The following FOXO3 variants were observed in gnomAD, a reference collection of about 807,000 sequenced individuals.
The protein encoded by FOXO3 is forkhead box protein O3.
FOXO3 carries 4 observed loss-of-function variants against 41.9 expected under a neutral mutation model. The ratio of observed to expected loss-of-function variants is 0.10; its 90% CI spans 0.05 to 0.22. FOXO3 has a LOEUF of 0.22. Ranked by LOEUF, FOXO3 falls within the 10% of genes least tolerant of loss-of-function variation. The pLI is 1.00. For synonymous variants in FOXO3, 318 were observed against 389.3 expected, an observed-to-expected ratio of 0.82 and a Z score of 2.16; for missense variants, 534 against 906.8, an observed-to-expected ratio of 0.59 and a Z score of 5.28.
chr6:108,622,860 G>A (rs779414408), intron 1 of FOXO3, among the ~76,000 whole-genome samples: 1 of 151,604 alleles, frequency 6.6e-6, no homozygotes, highest in African/African-American at 2.4e-5. Flanking sequence ...CCTCCCGTGT[G>A]CTGTGGCTCT....
intron 1 of FOXO3, among the ~76,000 whole-genome samples, chr6:108,651,124 C>G (rs1778538631): frequency 6.6e-6 from 1 of 152,192 alleles, no homozygotes; most frequent in Admixed American, 6.5e-5. Flanking sequence ...ACTATTAGCC[C>G]AAGTCATTTT....
chr6:108,563,941 G>GT (rs1775883647), intron 1 of FOXO3, among the ~76,000 whole-genome samples: 1 of 150,354 alleles, frequency 6.7e-6, no homozygotes, highest in Non-Finnish European at 1.5e-5. Context: ...TTATGTCATC[G>GT]TTTTTTTGTC....
At chr6:108,565,294 GAGA>G (rs1775922309) in intron 1 of FOXO3, among the ~76,000 whole-genome samples, 1 of 152,202 alleles carries the variant, frequency 6.6e-6, no homozygotes, top group African/African-American at 2.4e-5. Flanking sequence ...CTGTGTCAGG[GAGA>G]AGGATGATGA....
chr6:108,620,467 A>G (rs1754883294), intron 1 of FOXO3, among the ~76,000 whole-genome samples: 1 of 152,090 alleles, frequency 6.6e-6, no homozygotes, highest in Admixed American at 6.5e-5. Flanking sequence ...CTTTTTGCAG[A>G]TAGGACCCCT....
At chr6:108,608,069 G>A (rs995091370) in intron 1 of FOXO3, among the ~76,000 whole-genome samples, 4 of 152,136 alleles carry the variant, frequency 2.6e-5, no homozygotes, top group African/African-American at 9.7e-5. Flanking sequence ...TCATATAATG[G>A]TAGAGTTGAA....
chr6:108,625,409 G>A (rs1410193671), intron 1 of FOXO3, among the ~76,000 whole-genome samples: 2 of 152,262 alleles, frequency 1.3e-5, no homozygotes, highest in East Asian at 3.9e-4. Context: ...CATTGTTTAA[G>A]ATTGAAAACT....
chr6:108,668,946 C>A (rs540555850), intron 2 of FOXO3, among the ~76,000 whole-genome samples: 83 of 152,094 alleles, frequency 5.5e-4, no homozygotes, highest in African/African-American at 2.0e-3. Flanking sequence ...CCCGTCTCTA[C>A]TAAAAATACA....
intron 1 of FOXO3, among the ~76,000 whole-genome samples, chr6:108,589,210 T>C (rs1776666418): frequency 6.6e-6 from 1 of 152,104 alleles, no homozygotes; most frequent in African/African-American, 2.4e-5. Context: ...AAAATCTAAG[T>C]GGTAGAGAGA....
At chr6:108,642,089 GT>G (rs5878987) in intron 1 of FOXO3, among the ~76,000 whole-genome samples, 86 of 134,968 alleles carry the variant, frequency 6.4e-4, no homozygotes, top group East Asian at 8.6e-4. Context: ...TGCTTTTGGT[GT>G]TTTTTTTTTT....
At chr6:108,627,451 A>G (rs1400152163) in intron 1 of FOXO3, among the ~76,000 whole-genome samples, 3 of 152,190 alleles carry the variant, frequency 2.0e-5, no homozygotes, top group Non-Finnish European at 4.4e-5. Context: ...CAAACAAACA[A>G]AAAAGGATAA....
At position 108,683,894 on chromosome 6, in the gene FOXO3, G is replaced by C. The variant is rs1770964792; in HGVS notation, c.*4102G>C. ...CTAGCCTCTCTCAGAGACCGGGGAG[G>C]CAGAGTACTACTAGAGGAAGTGAAG... On this transcript the variant is annotated 3_prime_UTR_variant, in exon 3 of 3. Coordinates refer to ENST00000406360, the MANE Select transcript of FOXO3 (RefSeq NM_001455.4). 6.6e-6 allele frequency: 1 copy of C among 152,528 alleles called. No homozygotes were observed. The highest frequency in any genetic ancestry group is 6.5e-5 in the Admixed American group (1 of 15,280). 9.4% of individuals were successfully genotyped at this position (152,528 alleles called of 1,614,324 possible).
chr6:108,595,534 G>A (rs1247698653), intron 1 of FOXO3, among the ~76,000 whole-genome samples: 1 of 152,120 alleles, frequency 6.6e-6, no homozygotes, highest in Non-Finnish European at 1.5e-5. Flanking sequence ...ATAAGTTTTT[G>A]TAGTTTCTGT....
intron 1 of FOXO3, among the ~76,000 whole-genome samples, chr6:108,650,835 T>C (rs1778529821): frequency 6.6e-6 from 1 of 152,228 alleles, no homozygotes; most frequent in South Asian, 2.1e-4. Context: ...TGATCTTTTT[T>C]TGTGAACTTT....
At chr6:108,568,568 T>C (rs1186695419) in intron 1 of FOXO3, among the ~76,000 whole-genome samples, 1 of 152,224 alleles carries the variant, frequency 6.6e-6, no homozygotes, top group East Asian at 1.9e-4. Context: ...TTAGGGAATG[T>C]GTCTGCCAGA....
chr6:108,616,162 T>G (rs1277881866), intron 1 of FOXO3, among the ~76,000 whole-genome samples: 3 of 135,022 alleles, frequency 2.2e-5, no homozygotes. Context: ...TAAGGTTTTT[T>G]TTTTTTTTTT....
chr6:108,608,572 G>A (rs1777272691), intron 1 of FOXO3, among the ~76,000 whole-genome samples: 1 of 152,126 alleles, frequency 6.6e-6, no homozygotes, highest in Admixed American at 6.6e-5. Context: ...AAAATACTCT[G>A]GCAGAAACCA....
intron 2 of FOXO3, among the ~76,000 whole-genome samples, chr6:108,665,545 A>G (rs1400015227): frequency 2.0e-5 from 3 of 152,234 alleles, no homozygotes. Context: ...GTAAGAGGCC[A>G]GGCACAGTGT....
chr6:108,633,045 G>A (rs896839406), intron 1 of FOXO3, among the ~76,000 whole-genome samples: 48 of 152,042 alleles, frequency 3.2e-4, no homozygotes, highest in Admixed American at 6.6e-5. Flanking sequence ...CAAAAGCCAG[G>A]AATTTAAGCA....
chr6:108,594,089 C>G (rs1345758125), intron 1 of FOXO3, among the ~76,000 whole-genome samples: 2 of 152,044 alleles, frequency 1.3e-5, no homozygotes, highest in African/African-American at 2.4e-5. Flanking sequence ...CTTAAAACTA[C>G]CAAAGCAGTG....
Sources: allele counts gnomAD v4.1 joint callset (sites outside exome capture counted in the v4.1 genomes callset), GRCh38; gene constraint gnomAD v4.1.1; transcripts MANE v1.5; gene names NCBI Gene and HGNC (gene_info 2026-07-23, HGNC 2026-07-21).